The following DNAJC13 variants were observed in gnomAD, a reference collection of about 807,000 sequenced individuals.
DNAJC13 encodes the protein dnaJ homolog subfamily C member 13.
DNAJC13 carries 75 observed loss-of-function variants against 290.5 expected under a neutral mutation model. The ratio of observed to expected loss-of-function variants is 0.26; its 90% CI spans 0.21 to 0.31. The LOEUF is 0.31. DNAJC13 is among the 10% of genes least tolerant of loss of function. DNAJC13 has a pLI of 1.00. For synonymous variants in DNAJC13, 862 were observed against 892.0 expected, an observed-to-expected ratio of 0.97 and a Z score of 0.60; for missense variants, 2,260 against 2,674.5, an observed-to-expected ratio of 0.85 and a Z score of 3.42.
chr3:132,479,748 A>C (rs1164929714), intron 25 of DNAJC13, among the ~76,000 whole-genome samples: 1 of 152,120 alleles, frequency 6.6e-6, no homozygotes, highest in Admixed American at 6.5e-5. Context: ...TAATAGGTTC[A>C]TGCTCATTTC....
intron 55 of DNAJC13, chr3:132,537,035 ATGAATC>A (rs1310478453): frequency 9.1e-6 from 4 of 440,580 alleles, no homozygotes; most frequent in African/African-American, 8.1e-5. Context: ...CAAAAACAAG[ATGAATC>A]TGAATGGTGG....
chr3:132,501,857 T>C (rs1209975162), intron 39 of DNAJC13, among the ~76,000 whole-genome samples: 1 of 152,206 alleles, frequency 6.6e-6, no homozygotes, highest in African/African-American at 2.4e-5. Flanking sequence ...ATATCTCCTC[T>C]ACTATATCTA....
intron 13 of DNAJC13, chr3:132,457,571 G>A: frequency 3.9e-6 from 2 of 509,066 alleles, no homozygotes; most frequent in Admixed American, 7.2e-5. Context: ...TCTTAAGACA[G>A]AAGTTCTTTT....
intron 44 of DNAJC13, 145 bp downstream of exon 44, chr3:132,511,389 A>G: frequency 5.0e-6 from 5 of 997,308 alleles, no homozygotes; most frequent in Non-Finnish European, 7.1e-6. Flanking sequence ...TTGACCCTGT[A>G]ATAGTTTTAC....
intron 5 of DNAJC13, among the ~76,000 whole-genome samples, chr3:132,450,343 AG>A (rs1359056319): frequency 1.3e-5 from 2 of 152,134 alleles, no homozygotes; most frequent in Non-Finnish European, 2.9e-5. Context: ...ATTTCTATGT[AG>A]GATTTCCTCT....
chr3:132,462,463 A>C lies in DNAJC13; in HGVS notation c.1714-4A>C. The C allele has an allele frequency of 6.2e-7, 1 of 1,609,098 alleles. No homozygotes were observed. The highest frequency in any genetic ancestry group is 8.5e-7 in the Non-Finnish European group (1 of 1,178,304). On this transcript the variant is annotated splice_region_variant and splice_polypyrimidine_tract_variant and intron_variant, in intron 15 of 55. Transcript: ENST00000260818. ...TTTGATACTTTTTCCCCCTCACTTT[A>C]AAGCATCCTTCCATGGCAATAATAA...
At chr3:132,472,519 T>G in intron 20 of DNAJC13, 2 of 975,058 alleles carry the variant, frequency 2.1e-6, no homozygotes, top group Non-Finnish European at 2.4e-6. Flanking sequence ...CTCTTTTTAT[T>G]TTCTTTAACT....
chr3:132,528,073 A>G (rs1294193194), intron 53 of DNAJC13, 116 bp from the exon 54 acceptor site: 1 of 1,102,474 alleles, frequency 9.1e-7, no homozygotes, highest in Non-Finnish European at 1.3e-6. Flanking sequence ...TGTGTATGGC[A>G]TTAAAATACG....
At chr3:132,469,400 A>G (rs1268175149) in intron 20 of DNAJC13, among the ~76,000 whole-genome samples, 1 of 152,210 alleles carries the variant, frequency 6.6e-6, no homozygotes, top group Non-Finnish European at 1.5e-5. Flanking sequence ...ATTAGTAGTA[A>G]CCTTTGGCTA....
intron 22 of DNAJC13, among the ~76,000 whole-genome samples, chr3:132,476,906 TTC>T (rs1253640895): frequency 6.6e-6 from 1 of 152,222 alleles, no homozygotes; most frequent in East Asian, 1.9e-4. Flanking sequence ...TACATACACA[TTC>T]TCTCTGCCTA....
chr3:132,538,122 A>G (rs757637042), intron 55 of DNAJC13, 54 bp from the exon 56 acceptor site: 74 of 1,459,914 alleles, frequency 5.1e-5, no homozygotes, highest in Middle Eastern at 3.5e-4. Context: ...ATAAAGGTCA[A>G]TGTTTTCACT....
In DNAJC13 at chr3:132,538,187, G is replaced by T. The variant is rs755436181; in HGVS notation, c.6637G>T (p.Ala2213Ser). 6.2e-7 allele frequency: 1 copy of T among 1,613,572 alleles called. No individual in the cohort carries two copies. Among genetic ancestry groups the T allele is most frequent in the African/African-American group, 1.3e-5 (1 of 74,892 alleles). ...TAGYLTGPGV[A>S]GYLTAGTSTS... Reference sequence around the variant, plus strand: ...TTTCTCTCTTGCAGGACCTGGAGTTGCTGGCTACCTTACCGCAGGTACATC... The same window carrying T: ...TTTCTCTCTTGCAGGACCTGGAGTTTCTGGCTACCTTACCGCAGGTACATC... Residue 2213 changes from alanine (A) to serine (S), a missense_variant, in exon 56 of 56, where the codon GCT (alanine) becomes TCT (serine). Around this residue, in one of 3 missense-constraint regions of DNAJC13, gnomAD observed 1,494 missense variants for 1,693.7 expected, o/e 0.88. Coordinates refer to ENST00000260818, the MANE Select transcript of DNAJC13 (RefSeq NM_015268.4).
chr3:132,489,127 G>A (rs999108450), intron 31 of DNAJC13, 106 bp downstream of exon 31: 1 of 822,442 alleles, frequency 1.2e-6, no homozygotes, highest in Non-Finnish European at 2.0e-6. Flanking sequence ...AGTACTTGAG[G>A]GTAGGTATTG....
At chr3:132,526,112 A>G (rs1006689267) in intron 52 of DNAJC13, 29 bp from the exon 53 acceptor site, 7 of 1,612,730 alleles carry the variant, frequency 4.3e-6, no homozygotes, top group Non-Finnish European at 5.9e-6. Context: ...TTGCCAGTCT[A>G]CAAGTAACCT....
At chr3:132,529,126 A>C (rs533752442) in intron 54 of DNAJC13, among the ~76,000 whole-genome samples, 3 of 151,582 alleles carry the variant, frequency 2.0e-5, no homozygotes, top group East Asian at 1.9e-4. Flanking sequence ...CCTTCCCCCA[A>C]CCTTTGGCAC....
chr3:132,434,247 G>A (rs979290633), intron 1 of DNAJC13, among the ~76,000 whole-genome samples: 3 of 150,746 alleles, frequency 2.0e-5, no homozygotes, highest in Admixed American at 6.6e-5. Context: ...TTAGCCGGGC[G>A]TGGTGGCAGG....
chr3:132,472,511 C>G, intron 20 of DNAJC13: 6 of 962,316 alleles, frequency 6.2e-6, no homozygotes, highest in Non-Finnish European at 7.4e-6. Flanking sequence ...GGCTCATTCT[C>G]TTTTTATTTT....
In DNAJC13 at chr3:132,516,716, A is replaced by G. The variant is rs777644343; in HGVS notation, c.5573A>G (p.Tyr1858Cys). The change falls in exon 48 of 56, where the codon TAT becomes TGT. Residue 1858 changes from tyrosine (Y) to cysteine (C), a missense_variant. Physicochemically the swap from Tyr to Cys is radical, Grantham distance 194 (BLOSUM62 -2). Coordinates refer to ENST00000260818, the MANE Select transcript of DNAJC13 (RefSeq NM_015268.4). ...KEAMAKGALI[Y>C]LLDMFCNSTH... ...TTTTCCTTCATAGGTGCTTTGATCT[A>G]TTTACTGGATATGTTCTGCAATTCA... 9 of 1,612,300 alleles carry G rather than the reference A, an allele frequency of 5.6e-6. No homozygotes were observed. Among genetic ancestry groups the G allele is most frequent in the African/African-American group, 2.7e-5 (2 of 74,850 alleles).
At chr3:132,503,421 G>T in intron 41 of DNAJC13, 40 bp downstream of exon 41, 1 of 1,609,362 alleles carries the variant, frequency 6.2e-7, no homozygotes, top group South Asian at 1.1e-5. Flanking sequence ...AATCAATAGT[G>T]CAAGATCCTT....
Sources: gnomAD v4.1 joint callset for allele counts (sites outside exome capture counted in the v4.1 genomes callset) on GRCh38, gnomAD v4.1.1 for gene constraint, gnomAD v4.1.1 regional missense constraint, MANE v1.5 for transcripts, NCBI Gene and HGNC (gene_info 2026-07-23, HGNC 2026-07-21) for gene names.